LRP1B: variants seen among roughly 807,000 people sequenced by gnomAD.
LRP1B encodes LDL receptor related protein 1B, also known as low-density lipoprotein receptor-related protein 1B.
A neutral mutation model predicts 556.6 loss-of-function variants in LRP1B; 217 were observed. That is an observed-to-expected ratio of 0.39 (90% CI 0.35 to 0.44). The LOEUF is 0.44. LRP1B is among the 20% of genes least tolerant of loss of function. The pLI is 1.00. For synonymous variants in LRP1B, 2,047 were observed against 1,865.8 expected, an observed-to-expected ratio of 1.10 and a Z score of -2.50; for missense variants, 5,053 against 5,620.8, an observed-to-expected ratio of 0.90 and a Z score of 3.23.
rs186416069 is a variant in LRP1B, at chr2:141,985,162, T to C, written c.82+145486A>G. On this transcript the variant is annotated intron_variant, in intron 1 of 90. Coordinates refer to ENST00000389484, the MANE Select transcript of LRP1B (RefSeq NM_018557.3). ...TCTGGAAAGAAGTTGAGGGTCACGA[T>C]GGAGAAACAAAATGCTCTTTGTTTA... Among the ~76,000 whole-genome samples the C allele has an allele frequency of 7.9e-5, 12 of 152,214 alleles. No individual in the cohort carries two copies. The East Asian group carries it at 2.3e-3, about 29-fold the overall frequency.
chr2:140,680,121 G>A (rs956038256), intron 41 of LRP1B, among the ~76,000 whole-genome samples: 1 of 151,992 alleles, frequency 6.6e-6, no homozygotes, highest in East Asian at 1.9e-4. Flanking sequence ...TCGTTCCAGG[G>A]CCCACTTAAG....
intron 7 of LRP1B, among the ~76,000 whole-genome samples, chr2:141,138,813 G>A (rs1406581463): frequency 6.6e-6 from 1 of 151,858 alleles, no homozygotes; most frequent in Non-Finnish European, 1.5e-5. Context: ...TCAGTTCAAT[G>A]AAATATCCTC....
intron 2 of LRP1B, among the ~76,000 whole-genome samples, chr2:141,808,883 C>T (rs1470409477): frequency 6.6e-6 from 1 of 152,040 alleles, no homozygotes; most frequent in African/African-American, 2.4e-5. Flanking sequence ...TTCCCCTTAG[C>T]GTGTTTTCCA....
At chr2:141,639,911 G>C (rs1689268581) in intron 2 of LRP1B, among the ~76,000 whole-genome samples, 1 of 152,116 alleles carries the variant, frequency 6.6e-6, no homozygotes, top group African/African-American at 2.4e-5. Context: ...GCCTGCCTTG[G>C]TAAACTCACA....
At chr2:141,484,246 C>T (rs2105097736) in intron 2 of LRP1B, among the ~76,000 whole-genome samples, 1 of 146,918 alleles carries the variant, frequency 6.8e-6, no homozygotes, top group Non-Finnish European at 1.5e-5. Flanking sequence ...TTGTTTTTGT[C>T]AGGTTTGTCA....
At chr2:140,297,080 G>C (rs1683637458) in intron 84 of LRP1B, among the ~76,000 whole-genome samples, 1 of 152,106 alleles carries the variant, frequency 6.6e-6, no homozygotes. Flanking sequence ...AGCCAAGAGG[G>C]AGGGGTCAGG....
At chr2:141,073,154 C>G (rs755007239) in intron 7 of LRP1B, among the ~76,000 whole-genome samples, 2 of 152,118 alleles carry the variant, frequency 1.3e-5, no homozygotes, top group African/African-American at 2.4e-5. Context: ...AACTTTGCTA[C>G]AGAATTTTTC....
intron 43 of LRP1B, among the ~76,000 whole-genome samples, chr2:140,560,497 A>G (rs552737756): frequency 6.6e-6 from 1 of 152,288 alleles, no homozygotes; most frequent in African/African-American, 2.4e-5. Context: ...GCAGCCTAAC[A>G]TTATTTTAAA....
rs545691107 is a variant in LRP1B, at chr2:142,129,770, G to A, written c.82+878C>T. Among the ~76,000 whole-genome samples, 8 of 152,186 alleles carry A rather than the reference G, an allele frequency of 5.3e-5. No homozygotes were observed. The East Asian group carries it at 1.5e-3, about 29-fold the overall frequency. On this transcript the variant is annotated intron_variant, in intron 1 of 90. Transcript: ENST00000389484. ...GGCCAGTGCCCCAAATATTCATCTA[G>A]TATTTTCCTCCCTTTTTCACCAGTG... is the stretch of plus-strand genomic sequence containing the variant.
chr2:140,604,178 A>G (rs1441468), intron 41 of LRP1B, among the ~76,000 whole-genome samples: 61,787 of 151,352 alleles, frequency 0.41, 12,889 homozygotes, highest in Middle Eastern at 0.5. Flanking sequence ...CATATGAAAT[A>G]TAATGCAAAC....
intron 2 of LRP1B, among the ~76,000 whole-genome samples, chr2:141,599,072 C>A (rs1574123762): frequency 4.3e-5 from 4 of 92,852 alleles, no homozygotes; most frequent in African/African-American, 1.2e-4. Context: ...CCCCCCCCCC[C>A]CCGCTTTAAC....
At chr2:141,528,596 C>T (rs1017605561) in intron 2 of LRP1B, among the ~76,000 whole-genome samples, 12 of 152,128 alleles carry the variant, frequency 7.9e-5, no homozygotes, top group South Asian at 4.2e-4. Context: ...ATAGTACACA[C>T]AAATATTTCA....
intron 7 of LRP1B, among the ~76,000 whole-genome samples, chr2:141,135,795 T>C (rs1701477621): frequency 6.6e-6 from 1 of 151,948 alleles, no homozygotes; most frequent in South Asian, 2.1e-4. Flanking sequence ...TACAATATTT[T>C]AAATCATTTT....
chr2:140,658,538 T>C (rs1684969007), intron 41 of LRP1B, among the ~76,000 whole-genome samples: 2 of 152,154 alleles, frequency 1.3e-5, no homozygotes, highest in East Asian at 1.9e-4. Flanking sequence ...ATAAAATAAA[T>C]ATTTCTTAAA....
intron 3 of LRP1B, among the ~76,000 whole-genome samples, chr2:141,349,196 T>G (rs558459419): frequency 6.6e-6 from 1 of 152,092 alleles, no homozygotes; most frequent in Non-Finnish European, 1.5e-5. Flanking sequence ...CTCACTAATA[T>G]TGATTGTAAA....
intron 2 of LRP1B, among the ~76,000 whole-genome samples, chr2:141,695,902 T>G (rs1345220843): frequency 1.3e-5 from 2 of 151,972 alleles, no homozygotes; most frequent in African/African-American, 4.8e-5. Flanking sequence ...TCTTCCATTT[T>G]ATGGATGAAA....
chr2:141,109,927 T>G (rs1422820155), intron 7 of LRP1B, among the ~76,000 whole-genome samples: 1 of 152,114 alleles, frequency 6.6e-6, no homozygotes, highest in Non-Finnish European at 1.5e-5. Context: ...AGGTGCCCTG[T>G]GTGGACAGCT....
At chr2:141,394,847 A>G (rs1690182635) in intron 3 of LRP1B, among the ~76,000 whole-genome samples, 1 of 152,136 alleles carries the variant, frequency 6.6e-6, no homozygotes. Flanking sequence ...AAAACTAGTC[A>G]TGTGACTCTA....
chr2:140,844,538 T>C (rs1692218413), intron 29 of LRP1B, among the ~76,000 whole-genome samples: 1 of 151,410 alleles, frequency 6.6e-6, no homozygotes, highest in South Asian at 2.1e-4. Context: ...GGGGTGGGGG[T>C]GGAATAAAAA....
Sources: gnomAD v4.1 joint callset for allele counts (sites outside exome capture counted in the v4.1 genomes callset) on GRCh38, gnomAD v4.1.1 for gene constraint, MANE v1.5 for transcripts, NCBI Gene and HGNC (gene_info 2026-07-23, HGNC 2026-07-21) for gene names.